The following PPP1R9A variants were observed in gnomAD, a reference collection of about 807,000 sequenced individuals.
PPP1R9A encodes the protein protein phosphatase 1 regulatory subunit 9A, also known as neurabin-1.
PPP1R9A carries 59 observed loss-of-function variants against 141.9 expected under a neutral mutation model. That is an observed-to-expected ratio of 0.42 (90% CI 0.34 to 0.52). The LOEUF is 0.52. Among genes scored for constraint, PPP1R9A ranks in the 20% least tolerant of loss-of-function variants. PPP1R9A has a pLI of 0.10. For missense variants in PPP1R9A, 1,444 were observed against 1,611.9 expected (o/e 0.90, Z 1.78); for synonymous variants, 500 against 569.7 (o/e 0.88, Z 1.74).
chr7:94,928,561 T>G (rs1228827871), intron 2 of PPP1R9A, among the ~76,000 whole-genome samples: 1 of 152,216 alleles, frequency 6.6e-6, no homozygotes. Context: ...ACATGCTGAC[T>G]GATGACCTCA....
chr7:95,193,672 G>C (rs997345052), intron 5 of PPP1R9A, among the ~76,000 whole-genome samples: 1 of 151,832 alleles, frequency 6.6e-6, no homozygotes, highest in African/African-American at 2.4e-5. Flanking sequence ...TGTGATAATT[G>C]ACTAATTTAT....
intron 2 of PPP1R9A, among the ~76,000 whole-genome samples, chr7:95,027,511 C>A (rs1258480505): frequency 1.3e-5 from 2 of 152,194 alleles, no homozygotes; most frequent in African/African-American, 2.4e-5. Flanking sequence ...GTGCTGCAGA[C>A]CATAGCTGTT....
intron 2 of PPP1R9A, among the ~76,000 whole-genome samples, chr7:94,940,577 G>T (rs1477729392): frequency 6.6e-6 from 1 of 151,846 alleles, no homozygotes; most frequent in African/African-American, 2.4e-5. Flanking sequence ...AAAACATTTA[G>T]CCTTAAAGTA....
At chr7:94,957,304 A>G (rs1797175228) in intron 2 of PPP1R9A, among the ~76,000 whole-genome samples, 1 of 152,042 alleles carries the variant, frequency 6.6e-6, no homozygotes, top group South Asian at 2.1e-4. Context: ...AGGGGTTAAA[A>G]CTTGAAGTTC....
intron 2 of PPP1R9A, among the ~76,000 whole-genome samples, chr7:95,046,221 G>A (rs1809992008): frequency 6.6e-6 from 1 of 151,944 alleles, no homozygotes; most frequent in South Asian, 2.1e-4. Flanking sequence ...TGGGATTACA[G>A]GAGTATGTGC....
At chr7:95,115,777 C>T (rs191877333) in intron 3 of PPP1R9A, among the ~76,000 whole-genome samples, 14 of 151,586 alleles carry the variant, frequency 9.2e-5, no homozygotes, top group Non-Finnish European at 1.8e-4. Context: ...ATTAGCCCGG[C>T]GTGGTGGCAC....
chr7:95,094,822 A>T (rs1252566838), intron 2 of PPP1R9A, among the ~76,000 whole-genome samples: 1 of 143,506 alleles, frequency 7.0e-6, no homozygotes, highest in Admixed American at 7.2e-5. Context: ...AGAGGTTCCA[A>T]TGAGCTGAGA....
rs576375155 is a variant in PPP1R9A at position 95,167,606 on chromosome 7, C to T, written c.1754+5635C>T. Among the ~76,000 whole-genome samples, 4 of 152,204 alleles carry T rather than the reference C, an allele frequency of 2.6e-5. No homozygotes were observed. In the South Asian group the frequency reaches 6.2e-4, roughly 24 times the overall value. On this transcript the variant is annotated intron_variant, in intron 5 of 19. Transcript: ENST00000433360. ...CTGAATAAGAAAAGAGAATGTCAAACGGTCCCTCTTTTCAGATGATGTGAT... is the reference window on the plus strand; with the variant it reads ...CTGAATAAGAAAAGAGAATGTCAAATGGTCCCTCTTTTCAGATGATGTGAT...
chr7:95,022,015 A>G lies in PPP1R9A; in HGVS notation c.1396-89244A>G, dbSNP rs140113570. Among the ~76,000 whole-genome samples, 600 of 152,190 alleles carry G rather than the reference A, an allele frequency of 3.9e-3. 23 individuals carry two copies. The highest frequency in any genetic ancestry group is 0.036 in the East Asian group (187 of 5,172). On this transcript the variant is annotated intron_variant, in intron 2 of 19. Transcript: ENST00000433360. The stretch of plus-strand genomic sequence containing the variant: ...TTTCCTAATTCTGTGAAGAAAGTCA[A>G]TGGTAGCTTGATGGGAATCACACTG...
Position 95,135,153 on chromosome 7 carries a change from C to T in PPP1R9A, c.1649+14321C>T, listed in dbSNP as rs538774549. ...CACACTCCTGTGTCTCTAATGCCTG[C>T]AACACATATCCTGTATATGCATATA... is the stretch of plus-strand genomic sequence containing the variant. On this transcript the variant is annotated intron_variant, in intron 4 of 19. Coordinates refer to ENST00000433360, the MANE Select transcript of PPP1R9A (RefSeq NM_001166160.2). Among the ~76,000 whole-genome samples the T allele has an allele frequency of 6.6e-5, 10 of 152,252 alleles. No individual in the cohort carries two copies. The East Asian group carries it at 1.5e-3, about 24-fold the overall frequency.
chr7:94,935,064 T>G (rs1794623810), intron 2 of PPP1R9A, among the ~76,000 whole-genome samples: 1 of 152,168 alleles, frequency 6.6e-6, no homozygotes, highest in African/African-American at 2.4e-5. Context: ...GAGAATATTA[T>G]GTAATGAAGT....
At chr7:95,108,082 C>G (rs1819818609) in intron 2 of PPP1R9A, among the ~76,000 whole-genome samples, 1 of 151,962 alleles carries the variant, frequency 6.6e-6, no homozygotes, top group Non-Finnish European at 1.5e-5. Flanking sequence ...CATCGCTTTA[C>G]TGAACTCTTA....
In PPP1R9A at chr7:94,910,471, G is replaced by C; in HGVS notation, c.358G>C (p.Val120Leu). ...DGSVVKLESS[V>L]SERISRFDTM... is the part of the protein sequence containing the mutation. ...CTCAGTTGTTAAGTTGGAGTCTTCT[G>C]TTTCTGAACGAATTAGTAGATTTGA... The change falls in exon 2 of 20, where the codon GTT becomes CTT. Residue 120 changes from valine (V) to leucine (L), a missense_variant. Physicochemically the swap from Val to Leu is conservative, Grantham distance 32. Transcript: ENST00000433360. This position sits in a 1 kb window ranked among gnomAD's most constrained non-coding sequence, Gnocchi z 4.5. The C allele has an allele frequency of 2.5e-6, 4 of 1,614,196 alleles. No individual in the cohort carries two copies. Among genetic ancestry groups the C allele is most frequent in the Non-Finnish European group, 3.4e-6 (4 of 1,180,042 alleles).
chr7:94,934,563 T>C (rs1236227481), intron 2 of PPP1R9A, among the ~76,000 whole-genome samples: 2 of 152,010 alleles, frequency 1.3e-5, no homozygotes, highest in Admixed American at 6.6e-5. Context: ...TAAGAAAATA[T>C]GTCAAAACAA....
At chr7:95,038,869 C>A (rs116764268) in intron 2 of PPP1R9A, among the ~76,000 whole-genome samples, 8 of 152,038 alleles carry the variant, frequency 5.3e-5, no homozygotes, top group African/African-American at 1.9e-4. Flanking sequence ...AAATTCCCTC[C>A]GAGGAAGAGT....
rs1321154133 is a variant in PPP1R9A, at chr7:94,926,057, G to A, written c.1395+14549G>A. Reference sequence around the variant, plus strand: ...TTCTCAGGCTAGTCTGGAACTCCTGGGCTCAAGCGATCCTCCCACCTCAGC... The same window carrying A: ...TTCTCAGGCTAGTCTGGAACTCCTGAGCTCAAGCGATCCTCCCACCTCAGC... On this transcript the variant is annotated intron_variant, in intron 2 of 19. Transcript: ENST00000433360. Among the ~76,000 whole-genome samples, 7 of 152,106 alleles carry A rather than the reference G, an allele frequency of 4.6e-5. No homozygotes were observed. The East Asian group carries it at 5.8e-4, about 13-fold the overall frequency.
intron 2 of PPP1R9A, among the ~76,000 whole-genome samples, chr7:94,976,018 G>A (rs1799409393): frequency 6.6e-6 from 1 of 152,002 alleles, no homozygotes; most frequent in Admixed American, 6.6e-5. Flanking sequence ...CTCTATATCA[G>A]GGATTGTGTG....
In PPP1R9A at chr7:95,290,596, G is replaced by A. The variant is rs1806226921; in HGVS notation, c.*293G>A. The A allele has an allele frequency of 3.0e-6, 1 of 336,860 alleles. No individual in the cohort carries two copies. Among genetic ancestry groups the A allele is most frequent in the South Asian group, 3.7e-5 (1 of 27,148 alleles). The allele number at this position is 336,860 out of a possible 1,614,324, so 20.9% of individuals were successfully genotyped here. A position where few individuals can be genotyped will look rare whatever the true frequency, so the allele number is the denominator to read the frequency against. The stretch of plus-strand genomic sequence containing the variant: ...ACCAACATCTTGTGTTGTGTTGGGT[G>A]TGTTTTGTCACTTGGAGAACTAGTG... On this transcript the variant is annotated 3_prime_UTR_variant, in exon 20 of 20. Transcript: ENST00000433360.
chr7:94,990,210 T>C (rs1801337728), intron 2 of PPP1R9A, among the ~76,000 whole-genome samples: 1 of 152,100 alleles, frequency 6.6e-6, no homozygotes, highest in South Asian at 2.1e-4. Context: ...ACAATGGTGG[T>C]GAGGGCATAA....
Sources: gnomAD v4.1 joint callset for allele counts (sites outside exome capture counted in the v4.1 genomes callset) on GRCh38, gnomAD v4.1.1 for gene constraint, Gnocchi (gnomAD v3.1) non-coding constraint, MANE v1.5 for transcripts, NCBI Gene and HGNC (gene_info 2026-07-23, HGNC 2026-07-21) for gene names.